SEMA3D: variants seen among roughly 807,000 people sequenced by gnomAD.
SEMA3D encodes semaphorin 3D, also known as semaphorin-3D.
In SEMA3D, 84 loss-of-function variants were observed where a neutral mutation model predicts 100.1. The ratio of observed to expected loss-of-function variants is 0.84; its 90% confidence interval spans 0.70 to 1.01. The LOEUF (loss-of-function observed/expected upper bound fraction) is 1.01, where lower values mean the gene tolerates loss of function less well. Among genes scored for constraint, SEMA3D ranks in the 50% least tolerant of loss-of-function variants. The probability of loss-of-function intolerance (pLI) is 0.00; values close to 1 mark genes in which losing one functional copy is unlikely to be tolerated. For synonymous variants in SEMA3D, 312 were observed against 320.7 expected (o/e 0.97, Z 0.29); for missense variants, 875 against 934.1 (o/e 0.94, Z 0.82).
At chr7:85,033,015 A>T (rs1275899566) in intron 12 of SEMA3D, among the ~76,000 whole-genome samples, 1 of 152,090 alleles carries the variant, frequency 6.6e-6, no homozygotes, top group Non-Finnish European at 1.5e-5. Flanking sequence ...AAGGCATAAA[A>T]ATTGTATGAT....
At chr7:85,021,255 T>C (rs1045674625) in intron 13 of SEMA3D, among the ~76,000 whole-genome samples, 1 of 151,824 alleles carries the variant, frequency 6.6e-6, no homozygotes, top group South Asian at 2.1e-4. Context: ...TAGCAGTCTA[T>C]AATTTTCTCA....
Position 84,999,880 on chromosome 7 carries a change from AAATGTAGGT to A in SEMA3D, c.1909-24_1909-16del. ...TCGGGCTTCAACTGCAGAATTGGAA[AAATGTAGGT>A]AATAAATTAAACACAGAGAGAGCTA... On this transcript the variant is annotated splice_polypyrimidine_tract_variant and intron_variant, in intron 18 of 18. Transcript: ENST00000284136. 2.5e-6 allele frequency: 4 copies of A among 1,605,892 alleles called. No individual in the cohort carries two copies. Among genetic ancestry groups the A allele is most frequent in the Non-Finnish European group, 3.4e-6 (4 of 1,174,742 alleles).
intron 1 of SEMA3D, among the ~76,000 whole-genome samples, chr7:85,178,191 T>C (rs1791293444): frequency 6.6e-6 from 1 of 152,216 alleles, no homozygotes. Context: ...GTCTCAGGTA[T>C]TTCTTCACAG....
At chr7:85,056,295 A>C (rs1791316766) in intron 8 of SEMA3D, among the ~76,000 whole-genome samples, 1 of 152,044 alleles carries the variant, frequency 6.6e-6, no homozygotes, top group Admixed American at 6.5e-5. Context: ...GGGGTATAAA[A>C]ATGGAAACAA....
intron 1 of SEMA3D, among the ~76,000 whole-genome samples, chr7:85,166,316 T>C (rs1306943992): frequency 6.6e-6 from 1 of 152,002 alleles, no homozygotes; most frequent in East Asian, 1.9e-4. Context: ...TTAGGGCTTA[T>C]GATAAAATGA....
intron 16 of SEMA3D, among the ~76,000 whole-genome samples, chr7:85,013,101 T>C (rs1297706541): frequency 6.6e-6 from 1 of 151,784 alleles, no homozygotes; most frequent in Non-Finnish European, 1.5e-5. Context: ...TTTTCTCTAT[T>C]TTTTTCACAA....
intron 1 of SEMA3D, among the ~76,000 whole-genome samples, chr7:85,166,478 A>G (rs1419015158): frequency 6.6e-6 from 1 of 152,052 alleles, no homozygotes; most frequent in African/African-American, 2.4e-5. Context: ...GGAAAGTGAT[A>G]ATAATAGTAG....
At chr7:85,016,633 T>A (rs1449029373) in intron 15 of SEMA3D, among the ~76,000 whole-genome samples, 1 of 151,768 alleles carries the variant, frequency 6.6e-6, no homozygotes, top group African/African-American at 2.4e-5. Flanking sequence ...TGGCTTTGAT[T>A]TTGTTTTCCA....
the SEMA3D span, among the ~76,000 whole-genome samples, chr7:85,239,427 G>A: frequency 1.3e-5 from 2 of 152,176 alleles, no homozygotes; most frequent in African/African-American, 2.4e-5. Context: ...TGCTAGACCT[G>A]CTGGTGCTTT....
chr7:85,214,781 C>A, the SEMA3D span, among the ~76,000 whole-genome samples: 1 of 152,264 alleles, frequency 6.6e-6, no homozygotes, highest in Non-Finnish European at 1.5e-5. Flanking sequence ...CAGGCGTGAG[C>A]CACCGTGCCC....
rs969011741 is a variant in SEMA3D at position 85,006,685 on chromosome 7, C to G, written c.1908+117G>C. On this transcript the variant is annotated intron_variant, in intron 18 of 18. Coordinates refer to ENST00000284136, the MANE Select transcript of SEMA3D (RefSeq NM_001384900.1). ...TACCTTTGGTGTTAGTGAGTAAAACCTGTTATTTTTTTTAATCAAATAATG... is the reference window on the plus strand; with the variant it reads ...TACCTTTGGTGTTAGTGAGTAAAACGTGTTATTTTTTTTAATCAAATAATG... 8.6e-6 allele frequency: 7 copies of G among 814,312 alleles called. No individual in the cohort carries two copies. In the African/African-American group the frequency reaches 1.2e-4, roughly 14 times the overall value. 50.4% of individuals were successfully genotyped at this position (814,312 alleles called of 1,614,324 possible).
intron 15 of SEMA3D, 35 bp downstream of exon 15, chr7:85,018,217 T>C (rs748697539): frequency 2.1e-6 from 3 of 1,406,494 alleles, no homozygotes; most frequent in African/African-American, 2.8e-5. Context: ...CCCATTGCTT[T>C]TGTGATTAAC....
At chr7:85,060,791 T>G (rs1389103531) in intron 8 of SEMA3D, among the ~76,000 whole-genome samples, 1 of 152,198 alleles carries the variant, frequency 6.6e-6, no homozygotes, top group Non-Finnish European at 1.5e-5. Context: ...GATGTTCTCC[T>G]TTCATGTGGA....
intron 18 of SEMA3D, among the ~76,000 whole-genome samples, chr7:85,002,451 A>G (rs1442058269): frequency 6.6e-6 from 1 of 152,208 alleles, no homozygotes; most frequent in Non-Finnish European, 1.5e-5. Flanking sequence ...AGAGATAAAA[A>G]TCTGTGACCC....
intron 2 of SEMA3D, among the ~76,000 whole-genome samples, chr7:85,151,383 A>C (rs1186580302): frequency 6.6e-6 from 1 of 151,980 alleles, no homozygotes; most frequent in African/African-American, 2.4e-5. Flanking sequence ...ATTTCTGGAA[A>C]TTTTTCCCAA....
intron 2 of SEMA3D, chr7:85,151,855 T>A: frequency 2.8e-6 from 1 of 356,070 alleles, no homozygotes; most frequent in Non-Finnish European, 3.9e-6. Flanking sequence ...TTTTTGACCT[T>A]ACTTTGATAA....
chr7:85,241,832 A>C, the SEMA3D span, among the ~76,000 whole-genome samples: 1 of 152,000 alleles, frequency 6.6e-6, no homozygotes, highest in African/African-American at 2.4e-5. Flanking sequence ...AATAAAAATA[A>C]ATAAGTAAAT....
Position 85,141,997 on chromosome 7 carries a change from T to C in SEMA3D, c.-41+11611A>G, listed in dbSNP as rs542637965. On this transcript the variant is annotated intron_variant, in intron 2 of 18. Transcript: ENST00000284136. Reference sequence around the variant, plus strand: ...AAAAATGCATTAACCAAATCTTTAATGCATCAAGGTACTATTTAAATTTAA... The same window carrying C: ...AAAAATGCATTAACCAAATCTTTAACGCATCAAGGTACTATTTAAATTTAA... 75 of 979,996 alleles carry C rather than the reference T, an allele frequency of 7.7e-5. No homozygotes were observed. In the South Asian group the frequency reaches 3.3e-3, roughly 43 times the overall value. 60.7% of individuals were successfully genotyped at this position (979,996 alleles called of 1,614,324 possible). A position where few individuals can be genotyped will look rare whatever the true frequency, so the allele number is the denominator to read the frequency against.
chr7:85,250,194 C>G, the SEMA3D span, among the ~76,000 whole-genome samples: 1 of 151,424 alleles, frequency 6.6e-6, no homozygotes, highest in African/African-American at 2.4e-5. Flanking sequence ...AGATTATAAC[C>G]CGCACCTGGC....
Sources: allele counts gnomAD v4.1 joint callset (sites outside exome capture counted in the v4.1 genomes callset), GRCh38; gene constraint gnomAD v4.1.1; transcripts MANE v1.5; gene names NCBI Gene and HGNC (gene_info 2026-07-23, HGNC 2026-07-21).